ETNK2: variants seen among roughly 807,000 people sequenced by gnomAD.
ETNK2 encodes the protein ethanolamine kinase-like protein.
ETNK2 carries 33 observed loss-of-function variants against 46.2 expected under a neutral mutation model. That is an observed-to-expected ratio of 0.71 (90% confidence interval 0.54 to 0.96). ETNK2 has a LOEUF of 0.96. ETNK2 is among the 40% of genes least tolerant of loss of function. ETNK2 has a pLI of 0.00. For missense variants in ETNK2, 445 were observed against 509.7 expected, an observed-to-expected ratio of 0.87 and a Z score of 1.22; for synonymous variants, 194 against 209.0, an observed-to-expected ratio of 0.93 and a Z score of 0.62.
At chr1:204,137,528 C>A (rs559501935) in intron 5 of ETNK2, among the ~76,000 whole-genome samples, 1 of 152,166 alleles carries the variant, frequency 6.6e-6, no homozygotes, top group Non-Finnish European at 1.5e-5. Context: ...CTGGGAGTGA[C>A]AGGAACCCCT....
At chr1:204,137,478 CAGAG>C (rs1244913902) in intron 5 of ETNK2, among the ~76,000 whole-genome samples, 3 of 152,100 alleles carry the variant, frequency 2.0e-5, no homozygotes, top group Non-Finnish European at 1.5e-5. Flanking sequence ...TTGAGGAAAG[CAGAG>C]AGAGAGGTAG....
rs928766696 is a variant in ETNK2, at chr1:204,151,540, T to C, written c.258+55A>G. Reference sequence around the variant, plus strand: ...AGGATGCGAGGACTGGGTCCCCGCATCCCCCTGGCAGCCCTGGCAGGACCC... The same window carrying C: ...AGGATGCGAGGACTGGGTCCCCGCACCCCCCTGGCAGCCCTGGCAGGACCC... On this transcript the variant is annotated intron_variant, in intron 1 of 7. Transcript: ENST00000367202. This position sits in a 1 kb window ranked among gnomAD's most constrained non-coding sequence, Gnocchi z 8.0. The C allele has an allele frequency of 1.3e-6, 2 of 1,543,606 alleles. No homozygotes were observed. The highest frequency in any genetic ancestry group is 1.4e-5 in the African/African-American group (1 of 72,454).
intron 2 of ETNK2, among the ~76,000 whole-genome samples, chr1:204,149,449 C>T (rs1452070066): frequency 6.6e-6 from 1 of 152,178 alleles, no homozygotes; most frequent in Non-Finnish European, 1.5e-5. Context: ...AGATCTCTGC[C>T]GCACTTAGGG....
At chr1:204,140,282 T>TCCATC (rs1558233265) in intron 4 of ETNK2, among the ~76,000 whole-genome samples, 164 bp from the exon 5 acceptor site, 130 of 146,216 alleles carry the variant, frequency 8.9e-4, no homozygotes, top group African/African-American at 2.5e-3. Context: ...CTACTTCCAT[T>TCCATC]CATCCATCCA....
intron 3 of ETNK2, among the ~76,000 whole-genome samples, chr1:204,143,299 G>A (rs773784552): frequency 6.6e-6 from 1 of 151,660 alleles, no homozygotes; most frequent in South Asian, 2.1e-4. Flanking sequence ...CTCAGGTCCC[G>A]GCCTGAAAAA....
At position 204,151,936 on chromosome 1, in the gene ETNK2, AG is replaced by A; in HGVS notation, c.-85del. The A allele has an allele frequency of 7.5e-7, 1 of 1,339,570 alleles. No individual in the cohort carries two copies. 83.0% of individuals were successfully genotyped at this position (1,339,570 alleles called of 1,614,324 possible). ...GGCGAGGGAGTGGGAGTGGTAGAGG[AG>A]GGGCCAGGGGAAGTCCATGACTCAG... is the stretch of plus-strand genomic sequence containing the variant. On this transcript the variant is annotated 5_prime_UTR_variant, in exon 1 of 8. The change abolishes the stop of an existing upstream ORF in the 5' untranslated region. Coordinates refer to ENST00000367202, the MANE Select transcript of ETNK2 (RefSeq NM_018208.4). The surrounding 1 kb of genome is among the most constrained non-coding windows in gnomAD (Gnocchi z 8.0).
chr1:204,141,157 T>A, intron 4 of ETNK2, 158 bp downstream of exon 4: 1 of 926,600 alleles, frequency 1.1e-6, no homozygotes, highest in South Asian at 1.4e-5. Context: ...TGGGAATTTT[T>A]TATTTCCTTT....
chr1:204,131,131 G>C lies in ETNK2; in HGVS notation c.*1053C>G, dbSNP rs1015279907. 1.3e-5 allele frequency: 2 copies of C among 152,734 alleles called. No homozygotes were observed. The highest frequency in any genetic ancestry group is 2.9e-5 in the Non-Finnish European group (2 of 68,106). The allele number at this position is 152,734 out of a possible 1,614,324, so 9.5% of individuals were successfully genotyped here. On this transcript the variant is annotated 3_prime_UTR_variant, in exon 8 of 8. Transcript: ENST00000367202. The surrounding 1 kb of genome is among the most constrained non-coding windows in gnomAD (Gnocchi z 4.3). ...TACAAATGAATCACTTTCTGGGCCA[G>C]AGCCAGGAAGGCCCCAGGAGCTGTG...
intron 5 of ETNK2, among the ~76,000 whole-genome samples, chr1:204,139,787 G>C (rs1208508016): frequency 6.6e-6 from 1 of 152,158 alleles, no homozygotes; most frequent in Non-Finnish European, 1.5e-5. Context: ...AGGCTGCATG[G>C]TATAGCCTGT....
chr1:204,143,225 CTT>C (rs1038483843), intron 3 of ETNK2, among the ~76,000 whole-genome samples: 1 of 145,894 alleles, frequency 6.9e-6, no homozygotes. Context: ...TTTAAGATTC[CTT>C]TTTTTTTTTT....
intron 2 of ETNK2, chr1:204,147,069 C>T (rs1657817015): frequency 3.9e-6 from 2 of 508,500 alleles, no homozygotes; most frequent in Non-Finnish European, 7.7e-6. Context: ...CCTTGTCCTA[C>T]CCCAGTGTAC....
intron 2 of ETNK2, among the ~76,000 whole-genome samples, chr1:204,148,694 C>T (rs1033149999): frequency 2.0e-5 from 3 of 152,168 alleles, no homozygotes; most frequent in African/African-American, 4.8e-5. Flanking sequence ...TCCTCTTCTT[C>T]TAAGTCCCTG....
chr1:204,149,812 G>A lies in ETNK2; in HGVS notation c.409C>T (p.His137Tyr), dbSNP rs1430088485. The A allele has an allele frequency of 6.2e-7, 1 of 1,607,534 alleles. No individual in the cohort carries two copies. Among genetic ancestry groups the A allele is most frequent in the Non-Finnish European group, 8.5e-7 (1 of 1,177,162 alleles). Residue 137 changes from histidine (H) to tyrosine (Y), a missense_variant, in exon 2 of 8, where the codon CAC becomes TAC. By Grantham distance (83) the His-to-Tyr change is moderately conservative (BLOSUM62 2). Transcript: ENST00000367202. ...CAGTAGAGTTTGGGGGCACAGCTGT[G>A]TGCTCGCAGCAGCTGGAAGTTTCTG... ...EVRNFQLLRA[H>Y]SCAPKLYCTF...
intron 2 of ETNK2, 114 bp downstream of exon 2, chr1:204,149,589 A>G (rs1354492711): frequency 7.5e-7 from 1 of 1,325,566 alleles, no homozygotes; most frequent in Admixed American, 2.7e-5. Flanking sequence ...TTTTCATGCA[A>G]TTTCAGGGAA....
intron 1 of ETNK2, 133 bp from the exon 2 acceptor site, chr1:204,150,095 C>T: frequency 1.0e-6 from 1 of 984,226 alleles, no homozygotes; most frequent in Non-Finnish European, 1.5e-6. Flanking sequence ...GCCCCCAGTG[C>T]TTTAGCCCAG....
intron 3 of ETNK2, among the ~76,000 whole-genome samples, chr1:204,145,337 G>A (rs184230277): frequency 9.8e-5 from 15 of 152,384 alleles, no homozygotes; most frequent in African/African-American, 3.1e-4. Context: ...CAAGGATTAT[G>A]TCTGAGCACC....
intron 7 of ETNK2, 104 bp from the exon 8 acceptor site, chr1:204,132,360 A>G (rs1161037244): frequency 3.8e-6 from 3 of 779,456 alleles, no homozygotes; most frequent in Non-Finnish European, 4.5e-6. Context: ...CTCTAGGCCT[A>G]TCTAAGTCTG....
In ETNK2 at chr1:204,145,816, G is replaced by A. The variant is rs147428993; in HGVS notation, c.641+826C>T. 1.1e-3 allele frequency among the ~76,000 whole-genome samples: 166 copies of A among 152,322 alleles called. 1 individual carries two copies. The highest frequency in any genetic ancestry group is 3.7e-3 in the African/African-American group (153 of 41,572). On this transcript the variant is annotated intron_variant, in intron 3 of 7. Transcript: ENST00000367202. ...AACCCAGCAGGGAGCGTGAAGGAAT[G>A]AGACTCACTATTGCCTTTTTTTGGA...
At chr1:204,140,720 T>G (rs2102289742) in intron 4 of ETNK2, among the ~76,000 whole-genome samples, 1 of 152,078 alleles carries the variant, frequency 6.6e-6, no homozygotes, top group East Asian at 1.9e-4. Context: ...AGATGGGGTT[T>G]CGCCATGTTG....
Sources: allele counts gnomAD v4.1 joint callset (sites outside exome capture counted in the v4.1 genomes callset), GRCh38; gene constraint gnomAD v4.1.1; non-coding constraint Gnocchi (gnomAD v3.1); transcripts MANE v1.5; gene names NCBI Gene and HGNC (gene_info 2026-07-23, HGNC 2026-07-21).